The following NCOA7 variants were observed in gnomAD, a reference collection of about 807,000 sequenced individuals.
NCOA7 encodes 140 kDa estrogen receptor-associated protein.
In NCOA7, 45 loss-of-function variants were observed where a neutral mutation model predicts 104.3. That is an observed-to-expected ratio of 0.43 (90% CI 0.34 to 0.55). The LOEUF (loss-of-function observed/expected upper bound fraction) is 0.55. NCOA7 is among the 20% of genes least tolerant of loss of function. NCOA7 has a pLI of 0.02. For synonymous variants in NCOA7, 398 were observed against 402.3 expected (o/e 0.99, Z 0.13); for missense variants, 1,041 against 1,119.7 (o/e 0.93, Z 1.00).
intron 2 of NCOA7, among the ~76,000 whole-genome samples, chr6:125,820,695 T>G (rs1778100310): frequency 6.6e-6 from 1 of 152,214 alleles, no homozygotes; most frequent in Admixed American, 6.5e-5. Context: ...CTTACTTCTG[T>G]GTCTACCTAC....
intron 2 of NCOA7, among the ~76,000 whole-genome samples, chr6:125,827,188 CAAAAA>C (rs66522338): frequency 2.5e-5 from 2 of 79,042 alleles, no homozygotes; most frequent in African/African-American, 8.3e-5. Flanking sequence ...AACTCCATCT[CAAAAA>C]AAAAAAAAAA....
chr6:125,896,818 A>G (rs1785061732), intron 10 of NCOA7, among the ~76,000 whole-genome samples: 1 of 152,240 alleles, frequency 6.6e-6, no homozygotes, highest in Admixed American at 6.5e-5. Context: ...AAGATTATTT[A>G]TACCTTAATA....
upstream of NCOA7, among the ~76,000 whole-genome samples, chr6:125,789,967 A>G (rs1463157541): frequency 1.3e-5 from 2 of 152,232 alleles, no homozygotes; most frequent in Non-Finnish European, 2.9e-5. Flanking sequence ...ATGGGACCGC[A>G]GAGGGAACAG....
chr6:125,911,155 A>C (rs990439301), intron 10 of NCOA7, among the ~76,000 whole-genome samples: 1 of 152,256 alleles, frequency 6.6e-6, no homozygotes, highest in Admixed American at 6.5e-5. Context: ...TGTGGAGGTC[A>C]AAAGAGCACA....
chr6:125,897,590 T>A (rs1011736347), intron 10 of NCOA7, among the ~76,000 whole-genome samples: 1 of 152,230 alleles, frequency 6.6e-6, no homozygotes, highest in Non-Finnish European at 1.5e-5. Flanking sequence ...TACTTTCATA[T>A]CAATATATAT....
chr6:125,833,534 C>T (rs1327037036), intron 2 of NCOA7, among the ~76,000 whole-genome samples: 1 of 144,402 alleles, frequency 6.9e-6, no homozygotes, highest in Non-Finnish European at 1.5e-5. Context: ...GATCACACCA[C>T]TGCACTCCAG....
At chr6:125,895,155 G>A (rs1457494832) in intron 10 of NCOA7, among the ~76,000 whole-genome samples, 2 of 151,720 alleles carry the variant, frequency 1.3e-5, no homozygotes, top group Non-Finnish European at 2.9e-5. Flanking sequence ...ATTATTTATA[G>A]CCTTTTAATC....
At chr6:125,790,402 C>T (rs1443538702), upstream of NCOA7, among the ~76,000 whole-genome samples, 1 of 152,220 alleles carries the variant, frequency 6.6e-6, no homozygotes, top group African/African-American at 2.4e-5. Flanking sequence ...CGCTGCCAGG[C>T]GGCGGTTCGC....
intron 3 of NCOA7, among the ~76,000 whole-genome samples, chr6:125,858,224 T>C (rs918280176): frequency 1.3e-5 from 2 of 152,150 alleles, no homozygotes; most frequent in African/African-American, 4.8e-5. Context: ...TTGAAAGGAA[T>C]AGTTAATACA....
intron 1 of NCOA7, among the ~76,000 whole-genome samples, chr6:125,798,608 G>C (rs970867012): frequency 6.6e-6 from 1 of 152,098 alleles, no homozygotes; most frequent in Admixed American, 6.5e-5. Context: ...AATTATATGG[G>C]AGATGTTTAT....
intron 1 of NCOA7, among the ~76,000 whole-genome samples, chr6:125,784,220 A>C (rs1305968661): frequency 6.6e-6 from 1 of 152,310 alleles, no homozygotes; most frequent in South Asian, 2.1e-4. Context: ...TAAGCTATTC[A>C]TTCATTTGAT....
chr6:125,850,673 A>G (rs1009650067), intron 2 of NCOA7, among the ~76,000 whole-genome samples: 2 of 152,222 alleles, frequency 1.3e-5, no homozygotes, highest in Non-Finnish European at 2.9e-5. Context: ...GAAGCAGCAT[A>G]TCTCAGGCTG....
intron 13 of NCOA7, 38 bp from the exon 14 acceptor site, chr6:125,927,625 G>A (rs756468642): frequency 6.8e-7 from 1 of 1,480,164 alleles, no homozygotes; most frequent in Non-Finnish European, 9.5e-7. Flanking sequence ...GGGGATTTAG[G>A]TTTGAATGTA....
upstream of NCOA7, among the ~76,000 whole-genome samples, chr6:125,789,510 A>G (rs746310552): frequency 1.3e-5 from 2 of 152,348 alleles, no homozygotes; most frequent in South Asian, 4.1e-4. Flanking sequence ...CTTTGATACA[A>G]TGCAATCAGC....
chr6:125,837,852 C>T (rs1277487350), intron 2 of NCOA7, among the ~76,000 whole-genome samples: 2 of 152,172 alleles, frequency 1.3e-5, no homozygotes, highest in Non-Finnish European at 1.5e-5. Context: ...GACCAGGGAA[C>T]ATATAAATTG....
Position 125,929,353 on chromosome 6 carries a change from AT to A in NCOA7, c.*586del, listed in dbSNP as rs1296761774. ...AAATCTTGAAATATTAAATGTATAC[AT>A]TTTGTGCTATGTTTTGGGAACAAAT... On this transcript the variant is annotated 3_prime_UTR_variant, in exon 16 of 16. Transcript: ENST00000392477. 6.6e-6 allele frequency: 1 copy of A among 151,200 alleles called. No homozygotes were observed. The highest frequency in any genetic ancestry group is 1.9e-4 in the East Asian group (1 of 5,176). 9.4% of individuals were successfully genotyped at this position (151,200 alleles called of 1,614,324 possible).
At chr6:125,790,113 C>T (rs1774691713), upstream of NCOA7, among the ~76,000 whole-genome samples, 2 of 152,224 alleles carry the variant, frequency 1.3e-5, no homozygotes, top group Admixed American at 6.5e-5. Flanking sequence ...GCTGTAATGA[C>T]TGCAATTTGG....
chr6:125,902,020 C>T (rs1785547055), intron 10 of NCOA7, among the ~76,000 whole-genome samples: 1 of 152,146 alleles, frequency 6.6e-6, no homozygotes, highest in Non-Finnish European at 1.5e-5. Context: ...CTCATCTTTC[C>T]TCTGCTGAGC....
intron 2 of NCOA7, among the ~76,000 whole-genome samples, chr6:125,839,335 C>A (rs1381702918): frequency 6.6e-6 from 1 of 152,134 alleles, no homozygotes; most frequent in Non-Finnish European, 1.5e-5. Context: ...CTAGGCTGGT[C>A]TTGAACTCCT....
Sources: allele counts gnomAD v4.1 joint callset (sites outside exome capture counted in the v4.1 genomes callset), GRCh38; gene constraint gnomAD v4.1.1; transcripts MANE v1.5; gene names NCBI Gene and HGNC (gene_info 2026-07-23, HGNC 2026-07-21).